The following SIM2 variants were observed in gnomAD, a reference collection of about 807,000 sequenced individuals.
SIM2 encodes the protein single-minded homolog 2.
In SIM2, 28 loss-of-function variants were observed where a neutral mutation model predicts 64.8. The observed-to-expected ratio is 0.43, with a 90% CI of 0.32 to 0.59. SIM2 has a LOEUF of 0.59. SIM2 is among the 20% of genes least tolerant of loss of function. The probability of loss-of-function intolerance (pLI) is 0.07; values close to 1 mark genes in which losing one functional copy is unlikely to be tolerated. For missense variants in SIM2, 847 were observed against 871.4 expected (o/e 0.97, Z 0.35); for synonymous variants, 408 against 391.1 (o/e 1.04, Z -0.51).
rs1283411163 is a variant in SIM2, at chr21:36,726,633, G to A, written c.743+315G>A. Among the ~76,000 whole-genome samples, 1 of 152,116 alleles carries A rather than the reference G, an allele frequency of 6.6e-6. No individual in the cohort carries two copies. The highest frequency in any genetic ancestry group is 1.5e-5 in the Non-Finnish European group (1 of 68,012). On this transcript the variant is annotated intron_variant, in intron 6 of 10. Transcript: ENST00000290399. This position sits in a 1 kb window ranked among gnomAD's most constrained non-coding sequence, Gnocchi z 4.5. ...ACTAGAGTTTGAAATGAAAACATGGGCTGTGAGCACAGGTTGGGCTTTTTT... is the reference window on the plus strand; with the variant it reads ...ACTAGAGTTTGAAATGAAAACATGGACTGTGAGCACAGGTTGGGCTTTTTT...
Position 36,745,855 on chromosome 21 carries a change from T to C in SIM2, c.1576+719T>C. 7.7e-7 allele frequency: 1 copy of C among 1,303,458 alleles called. No individual in the cohort carries two copies. Among genetic ancestry groups the C allele is most frequent in the Non-Finnish European group, 1.0e-6 (1 of 988,412 alleles). The allele number at this position is 1,303,458 out of a possible 1,614,324, so 80.7% of individuals were successfully genotyped here. ...CCCCAGGACGCAGACTGACTCCTGT[T>C]TGCTCGCTGGACCAACCCCAGGCAG... On this transcript the variant is annotated intron_variant, in intron 10 of 10. Coordinates refer to ENST00000290399, the MANE Select transcript of SIM2 (RefSeq NM_005069.6). This position sits in a 1 kb window ranked among gnomAD's most constrained non-coding sequence, Gnocchi z 4.8.
At chr21:36,721,543 G>A (rs542100694) in intron 4 of SIM2, among the ~76,000 whole-genome samples, 1 of 152,148 alleles carries the variant, frequency 6.6e-6, no homozygotes, top group Admixed American at 6.5e-5. Flanking sequence ...GGGTTCAAGC[G>A]ATTCTCCTGC....
rs371016952 is a variant in SIM2 at position 36,713,161 on chromosome 21, T to C, written c.348+539T>C. Reference sequence around the variant, plus strand: ...CAGTGGTCGTTTCAGCAAAGCATTTTATATGCTTGTGATAGAAACTCATAA... The same window carrying C: ...CAGTGGTCGTTTCAGCAAAGCATTTCATATGCTTGTGATAGAAACTCATAA... On this transcript the variant is annotated intron_variant, in intron 3 of 10. Transcript: ENST00000290399. Among the ~76,000 whole-genome samples the C allele has an allele frequency of 3.3e-5, 5 of 152,366 alleles. No individual in the cohort carries two copies. The East Asian group carries it at 9.6e-4, about 29-fold the overall frequency.
chr21:36,721,330 A>C (rs1050378192), intron 4 of SIM2, among the ~76,000 whole-genome samples: 1 of 152,206 alleles, frequency 6.6e-6, no homozygotes, highest in African/African-American at 2.4e-5. Context: ...CCTGAATCGA[A>C]TTCTTTCACT....
chr21:36,747,354 A>G lies in SIM2; in HGVS notation c.1577-311A>G, dbSNP rs1479059092. ...CTGCATCTCAGGACCAAAAAAAAAA[A>G]AAAGAAAATATCCCAATAATTGTTT... On this transcript the variant is annotated intron_variant, in intron 10 of 10. Coordinates refer to ENST00000290399, the MANE Select transcript of SIM2 (RefSeq NM_005069.6). This position sits in a 1 kb window ranked among gnomAD's most constrained non-coding sequence, Gnocchi z 4.5. Among the ~76,000 whole-genome samples the G allele has an allele frequency of 2.0e-5, 3 of 152,222 alleles. No individual in the cohort carries two copies. Among genetic ancestry groups the G allele is most frequent in the Non-Finnish European group, 4.4e-5 (3 of 68,036 alleles).
rs747223348 is a variant in SIM2 at position 36,744,980 on chromosome 21, GA to G, written c.1421del (p.Glu474GlyfsTer7). ...KFGQPQGSPC[E>X]VARFFLSTLP... ...CGGGCAGCCCCAAGGATCCCCTTGT[GA>G]GGTGGCACGCTTTTTCCTGAGCACA... is the stretch of plus-strand genomic sequence containing the variant. On this transcript the variant is annotated frameshift_variant, in exon 10 of 11. Coordinates refer to ENST00000290399, the MANE Select transcript of SIM2 (RefSeq NM_005069.6). LOFTEE classifies it high-confidence loss of function. 6.2e-7 allele frequency: 1 copy of G among 1,614,246 alleles called. No individual in the cohort carries two copies. The highest frequency in any genetic ancestry group is 8.5e-7 in the Non-Finnish European group (1 of 1,180,040).
chr21:36,737,858 GTC>G (rs2089087093), intron 7 of SIM2, among the ~76,000 whole-genome samples: 1 of 150,096 alleles, frequency 6.7e-6, no homozygotes, highest in East Asian at 2.0e-4. Context: ...CTATTCAGGA[GTC>G]TGAGGCAGGG....
rs1300045830 is a variant in SIM2 at position 36,744,964 on chromosome 21, C to G, written c.1404C>G (p.Pro468=). 6.2e-7 allele frequency: 1 copy of G among 1,614,264 alleles called. No individual in the cohort carries two copies. The highest frequency in any genetic ancestry group is 1.1e-5 in the South Asian group (1 of 91,092). ...TGTTGCCGGCCAAGTTCGGGCAGCC[C>G]CAAGGATCCCCTTGTGAGGTGGCAC... is the stretch of plus-strand genomic sequence containing the variant. ...KPMLPAKFGQ[P]QGSPCEVARF... is the part of the protein sequence containing the mutation. Residue 468 remains proline (P), a synonymous_variant, in exon 10 of 11, where the codon CCC becomes CCG. Coordinates refer to ENST00000290399, the MANE Select transcript of SIM2 (RefSeq NM_005069.6).
chr21:36,718,416 ATG>A (rs1295345586), intron 3 of SIM2, among the ~76,000 whole-genome samples: 1 of 152,192 alleles, frequency 6.6e-6, no homozygotes, highest in Non-Finnish European at 1.5e-5. Flanking sequence ...CTCTCCTCTG[ATG>A]GAGAGCCACA....
intron 1 of SIM2, among the ~76,000 whole-genome samples, chr21:36,706,304 C>A (rs1242220180): frequency 3.3e-5 from 5 of 152,222 alleles, no homozygotes; most frequent in Non-Finnish European, 7.3e-5. Flanking sequence ...TGACTTCCAA[C>A]AGCACAGCGT....
At chr21:36,739,846 C>A (rs1281061768) in intron 7 of SIM2, among the ~76,000 whole-genome samples, 1 of 151,956 alleles carries the variant, frequency 6.6e-6, no homozygotes, top group East Asian at 1.9e-4. Flanking sequence ...TTGAGACCAG[C>A]CTGGCCAACC....
chr21:36,746,109 A>G (rs2089224513), intron 10 of SIM2: 2 of 506,040 alleles, frequency 4.0e-6, no homozygotes, highest in Non-Finnish European at 5.5e-6. Context: ...TGAGGTCAGG[A>G]GTTTGCGACA....
At chr21:36,720,013 T>A (rs2088803373) in intron 4 of SIM2, 84 bp downstream of exon 4, 2 of 970,128 alleles carry the variant, frequency 2.1e-6, no homozygotes, top group South Asian at 2.6e-5. Context: ...GCTTCCCACA[T>A]CTGCCAAGTG....
At position 36,747,776 on chromosome 21, in the gene SIM2, AG is replaced by A; in HGVS notation, c.1690del (p.Ala564ProfsTer142). The A allele has an allele frequency of 8.9e-7, 1 of 1,119,896 alleles. No individual in the cohort carries two copies. The highest frequency in any genetic ancestry group is 1.1e-6 in the Non-Finnish European group (1 of 919,066). The allele number at this position is 1,119,896 out of a possible 1,614,324, so 69.4% of individuals were successfully genotyped here. A position where few individuals can be genotyped will look rare whatever the true frequency, so the allele number is the denominator to read the frequency against. ...CTGGGCCCGGCCAAAGCCGCCCGCC[AG>A]GCCGCCCGGGACGGGGCGCGGCTGG... Reference protein sequence around the residue: ...PALGPAKAARQAARDGARLAL... With the variant: ...PALGPAKAARXAARDGARLAL... On this transcript the variant is annotated frameshift_variant, in exon 11 of 11. Transcript: ENST00000290399. LOFTEE classifies it low-confidence loss of function (END_TRUNC). This position sits in a 1 kb window ranked among gnomAD's most constrained non-coding sequence, Gnocchi z 4.5.
intron 4 of SIM2, among the ~76,000 whole-genome samples, chr21:36,720,836 C>T (rs536492133): frequency 4.6e-5 from 7 of 152,302 alleles, no homozygotes; most frequent in African/African-American, 1.7e-4. Context: ...TCCCTCCAAC[C>T]ATCCAGTGAG....
chr21:36,716,543 C>A (rs904945542), intron 3 of SIM2, among the ~76,000 whole-genome samples: 1 of 152,014 alleles, frequency 6.6e-6, no homozygotes, highest in African/African-American at 2.4e-5. Context: ...TAACTTGAAC[C>A]CTGAAACCCA....
chr21:36,722,628 G>GTCCT (rs34864681), intron 4 of SIM2, among the ~76,000 whole-genome samples: 8,568 of 152,218 alleles, frequency 0.056, 361 homozygotes, highest in African/African-American at 0.12. Context: ...AGACGGGGTG[G>GTCCT]TCCTTCTGGG....
Position 36,741,815 on chromosome 21 carries a change from A to G in SIM2, c.949A>G (p.Ser317Gly). The change falls in exon 8 of 11, where the codon AGC becomes GGC. Residue 317 changes from serine to glycine, a missense_variant. Coordinates refer to ENST00000290399, the MANE Select transcript of SIM2 (RefSeq NM_005069.6). ...VQSYATVVHN[S>G]RSSRPHCIVS... ...GAGCTACGCCACCGTGGTGCACAAC[A>G]GCCGCTCGTCCCGGCCCCACTGCAT... 1 of 1,610,046 alleles carries G rather than the reference A, an allele frequency of 6.2e-7. No homozygotes were observed. Among genetic ancestry groups the G allele is most frequent in the Non-Finnish European group, 8.5e-7 (1 of 1,178,650 alleles).
chr21:36,705,413 C>T (rs968179908), intron 1 of SIM2, among the ~76,000 whole-genome samples: 1 of 152,248 alleles, frequency 6.6e-6, no homozygotes, highest in South Asian at 2.1e-4. Context: ...TCTCCCCTCC[C>T]CTACCCCAGC....
Sources: allele counts gnomAD v4.1 joint callset (sites outside exome capture counted in the v4.1 genomes callset), GRCh38; gene constraint gnomAD v4.1.1; non-coding constraint Gnocchi (gnomAD v3.1); transcripts MANE v1.5; gene names NCBI Gene and HGNC (gene_info 2026-07-23, HGNC 2026-07-21).